The following RSBN1L variants were observed in gnomAD, a reference collection of about 807,000 sequenced individuals.
RSBN1L encodes round spermatid basic protein 1 like, also known as lysine-specific demethylase RSBN1L.
In RSBN1L, 30 loss-of-function variants were observed where a neutral mutation model predicts 67.7. That is an observed-to-expected ratio of 0.44 (90% CI 0.33 to 0.60). The LOEUF (loss-of-function observed/expected upper bound fraction) is 0.60, where lower values mean the gene tolerates loss of function less well. Among genes scored for constraint, RSBN1L ranks in the 20% least tolerant of loss-of-function variants. RSBN1L has a pLI of 0.02. For missense variants in RSBN1L, 992 were observed against 1,031.7 expected (o/e 0.96, Z 0.53); for synonymous variants, 433 against 387.0 (o/e 1.12, Z -1.39).
At chr7:77,732,573 A>G (rs967796408) in intron 1 of RSBN1L, among the ~76,000 whole-genome samples, 11 of 152,208 alleles carry the variant, frequency 7.2e-5, no homozygotes, top group Non-Finnish European at 1.0e-4. Flanking sequence ...ATATCAGACA[A>G]TCCACCTGCC....
chr7:77,711,585 C>CTCCTG (rs1790975291), intron 1 of RSBN1L, among the ~76,000 whole-genome samples: 1 of 152,126 alleles, frequency 6.6e-6, no homozygotes, highest in Non-Finnish European at 1.5e-5. Flanking sequence ...TCCGGCAATC[C>CTCCTG]TCCTGTCTTA....
At chr7:77,756,251 C>T (rs1169360258) in intron 3 of RSBN1L, among the ~76,000 whole-genome samples, 1 of 151,966 alleles carries the variant, frequency 6.6e-6, no homozygotes, top group South Asian at 2.1e-4. Context: ...CCTGCCTCAA[C>T]TTCCTGAGTA....
chr7:77,779,232 C>T lies in RSBN1L; in HGVS notation c.*64C>T. 1 of 1,206,534 alleles carries T rather than the reference C, an allele frequency of 8.3e-7. No homozygotes were observed. The highest frequency in any genetic ancestry group is 1.6e-5 in the South Asian group (1 of 63,304). The allele number at this position is 1,206,534 out of a possible 1,614,324, so 74.7% of individuals were successfully genotyped here. On this transcript the variant is annotated 3_prime_UTR_variant, in exon 8 of 8. Coordinates refer to ENST00000334955, the MANE Select transcript of RSBN1L (RefSeq NM_198467.3). ...TTAATGTAATAAAGATTCATGAATT[C>T]TGAAAGCAAGCCAAGGACTTGCTCC...
intron 1 of RSBN1L, 45 bp downstream of exon 1, chr7:77,697,100 C>T (rs1790746483): frequency 7.5e-7 from 1 of 1,326,310 alleles, no homozygotes; most frequent in Non-Finnish European, 9.6e-7. Flanking sequence ...CCGTGGGTCC[C>T]CGCCGCCCCC....
chr7:77,710,290 G>A (rs1323501328), intron 1 of RSBN1L, among the ~76,000 whole-genome samples: 1 of 152,150 alleles, frequency 6.6e-6, no homozygotes, highest in African/African-American at 2.4e-5. Flanking sequence ...CTAAATGCAT[G>A]TCTAATCATC....
chr7:77,729,166 T>C (rs1159343894), intron 1 of RSBN1L, among the ~76,000 whole-genome samples: 1 of 152,226 alleles, frequency 6.6e-6, no homozygotes, highest in Admixed American at 6.5e-5. Flanking sequence ...TGTGGTGTTT[T>C]TATGTGTGGA....
Position 77,697,043 on chromosome 7 carries a change from C to A in RSBN1L, c.574C>A (p.Pro192Thr), listed in dbSNP as rs1790744273. The A allele has an allele frequency of 6.0e-6, 9 of 1,495,024 alleles. No individual in the cohort carries two copies. Among genetic ancestry groups the A allele is most frequent in the South Asian group, 1.3e-5 (1 of 79,780 alleles). The allele number at this position is 1,495,024 out of a possible 1,614,324, so 92.6% of individuals were successfully genotyped here. ...CCGGGAGGAGAACGGGGAGGTGAAG[C>A]CGCTGCCCCGAGGTGGGTGCCGTGC... ...ASREENGEVK[P>T]LPRDKIKDKI... Residue 192 changes from proline (P) to threonine (T), a missense_variant, in exon 1 of 8, where the codon CCG becomes ACG. Pro to Thr is a conservative substitution (Grantham distance 38). Coordinates refer to ENST00000334955, the MANE Select transcript of RSBN1L (RefSeq NM_198467.3).
chr7:77,722,285 T>A (rs542287457), intron 1 of RSBN1L, among the ~76,000 whole-genome samples: 1 of 152,224 alleles, frequency 6.6e-6, no homozygotes, highest in East Asian at 1.9e-4. Context: ...TTACATCATG[T>A]GAGTGCATTT....
chr7:77,750,124 G>GT (rs1335721718), intron 3 of RSBN1L, 60 bp downstream of exon 3: 26 of 1,044,062 alleles, frequency 2.5e-5, no homozygotes, highest in East Asian at 8.5e-5. Flanking sequence ...ATGAGTTTCT[G>GT]TTTTTTGTTC....
At chr7:77,747,702 A>G (rs1265837068) in intron 2 of RSBN1L, among the ~76,000 whole-genome samples, 1 of 152,084 alleles carries the variant, frequency 6.6e-6, no homozygotes, top group African/African-American at 2.4e-5. Flanking sequence ...CTCATGGAGA[A>G]CCTCTCTACT....
At chr7:77,740,454 C>T (rs12536860) in intron 2 of RSBN1L, among the ~76,000 whole-genome samples, 2,789 of 152,190 alleles carry the variant, frequency 0.018, 38 homozygotes, top group Middle Eastern at 0.071. Context: ...TACTAAAGGT[C>T]ACAGGTAGGT....
At chr7:77,723,652 T>C (rs536680283) in intron 1 of RSBN1L, among the ~76,000 whole-genome samples, 16 of 152,148 alleles carry the variant, frequency 1.1e-4, no homozygotes, top group Admixed American at 2.0e-4. Flanking sequence ...AAGAATTTTT[T>C]TGGCTGGGCG....
chr7:77,725,948 C>CTTT (rs371255265), intron 1 of RSBN1L, among the ~76,000 whole-genome samples: 147 of 147,020 alleles, frequency 1.0e-3, no homozygotes, highest in African/African-American at 3.2e-3. Context: ...CTGTAACCTG[C>CTTT]TTTTTTTTTT....
At chr7:77,759,294 G>T (rs899912772) in intron 3 of RSBN1L, among the ~76,000 whole-genome samples, 1 of 152,052 alleles carries the variant, frequency 6.6e-6, no homozygotes, top group Non-Finnish European at 1.5e-5. Flanking sequence ...ACAAAATATC[G>T]TGTCAGGGAC....
chr7:77,725,242 C>G (rs1386868960), intron 1 of RSBN1L, among the ~76,000 whole-genome samples: 5 of 77,276 alleles, frequency 6.5e-5, no homozygotes, highest in Admixed American at 6.1e-4. Context: ...ATAAGCCCCC[C>G]ACTTTTTTTT....
At chr7:77,747,467 T>TGCTCCCC (rs1791499767) in intron 2 of RSBN1L, among the ~76,000 whole-genome samples, 1 of 152,130 alleles carries the variant, frequency 6.6e-6, no homozygotes, top group African/African-American at 2.4e-5. Flanking sequence ...TACTGCTCCC[T>TGCTCCCC]GCTCCCCAGC....
chr7:77,735,510 C>G (rs554301007), intron 1 of RSBN1L, among the ~76,000 whole-genome samples: 1 of 152,072 alleles, frequency 6.6e-6, no homozygotes, highest in African/African-American at 2.4e-5. Flanking sequence ...TGATTAGGAC[C>G]TGGGTTATGG....
At chr7:77,716,040 C>T (rs1791044051) in intron 1 of RSBN1L, among the ~76,000 whole-genome samples, 2 of 152,082 alleles carry the variant, frequency 1.3e-5, no homozygotes. Flanking sequence ...CATTCTCTGT[C>T]TTTTCTTTCT....
chr7:77,773,548 A>G, intron 6 of RSBN1L: 1 of 281,252 alleles, frequency 3.6e-6, no homozygotes, highest in Non-Finnish European at 6.6e-6. Context: ...GTGGATCACA[A>G]GGTCAGGAGA....
Sources: allele counts gnomAD v4.1 joint callset (sites outside exome capture counted in the v4.1 genomes callset), GRCh38; gene constraint gnomAD v4.1.1; transcripts MANE v1.5; gene names NCBI Gene and HGNC (gene_info 2026-07-23, HGNC 2026-07-21).